RIMS2: variants seen among roughly 807,000 people sequenced by gnomAD.
RIMS2 encodes the protein regulating synaptic membrane exocytosis protein 2.
In RIMS2, 59 loss-of-function variants were observed where a neutral mutation model predicts 174.4. The observed-to-expected ratio is 0.34, with a 90% CI of 0.27 to 0.42. RIMS2 has a LOEUF of 0.42. Ranked by LOEUF, RIMS2 falls within the 10% of genes least tolerant of loss-of-function variation. The pLI is 1.00. For synonymous variants in RIMS2, 606 were observed against 572.5 expected (o/e 1.06, Z -0.84); for missense variants, 1,620 against 1,666.3 (o/e 0.97, Z 0.48).
chr8:103,856,816 T>C (rs1305644429), intron 3 of RIMS2, among the ~76,000 whole-genome samples: 1 of 152,140 alleles, frequency 6.6e-6, no homozygotes, highest in Non-Finnish European at 1.5e-5. Context: ...TTTTTGTTTT[T>C]TTTTCTTTGA....
At chr8:104,088,639 G>A (rs1054701009) in intron 19 of RIMS2, among the ~76,000 whole-genome samples, 2 of 151,904 alleles carry the variant, frequency 1.3e-5, no homozygotes, top group African/African-American at 4.8e-5. Flanking sequence ...ATTTATTGAA[G>A]ACAAGTGATA....
intron 4 of RIMS2, among the ~76,000 whole-genome samples, chr8:103,893,253 C>CTTTTGGGGT (rs2099257719): frequency 6.6e-6 from 1 of 151,938 alleles, no homozygotes; most frequent in Non-Finnish European, 1.5e-5. Flanking sequence ...CTTTGGGGTA[C>CTTTTGGGGT]AGGAGTAAAA....
chr8:104,168,758 G>A (rs973953319), intron 19 of RIMS2, among the ~76,000 whole-genome samples: 1 of 151,974 alleles, frequency 6.6e-6, no homozygotes, highest in South Asian at 2.1e-4. Context: ...ACTTTTCCAC[G>A]TTCAGTATGA....
At chr8:103,772,794 C>A (rs2098268804) in intron 3 of RIMS2, among the ~76,000 whole-genome samples, 1 of 151,988 alleles carries the variant, frequency 6.6e-6, no homozygotes, top group Non-Finnish European at 1.5e-5. Context: ...ATATATAAAG[C>A]CATTCATGTA....
At chr8:103,836,229 A>G (rs1204734702) in intron 3 of RIMS2, among the ~76,000 whole-genome samples, 5 of 152,192 alleles carry the variant, frequency 3.3e-5, no homozygotes, top group South Asian at 2.1e-4. Context: ...GAATTTTATG[A>G]TAATTATTTA....
chr8:103,893,291 A>G (rs1565162789), intron 4 of RIMS2, among the ~76,000 whole-genome samples: 1 of 152,066 alleles, frequency 6.6e-6, no homozygotes, highest in Admixed American at 6.6e-5. Flanking sequence ...AACTGCATAT[A>G]TGGTAGTTGC....
In RIMS2 at chr8:104,096,896, A is replaced by G. The variant is rs190829540; in HGVS notation, c.3334+82281A>G. ...CCACCAAAAAAAAAAAAAGAAAAAG[A>G]AAAAGAAAATGTTGGTAGCACTCAT... On this transcript the variant is annotated intron_variant, in intron 19 of 23. Transcript: ENST00000504942. 2.0e-4 allele frequency among the ~76,000 whole-genome samples: 30 copies of G among 152,006 alleles called. No homozygotes were observed. The East Asian group carries it at 4.6e-3, about 24-fold the overall frequency.
intron 3 of RIMS2, among the ~76,000 whole-genome samples, chr8:103,814,232 C>T (rs146651798): frequency 1.5e-3 from 232 of 152,116 alleles, no homozygotes; most frequent in African/African-American, 5.1e-3. Context: ...GAACAACAGA[C>T]ACTGTGGCCC....
intron 1 of RIMS2, among the ~76,000 whole-genome samples, chr8:103,687,959 C>T (rs2096963084): frequency 6.6e-6 from 1 of 151,958 alleles, no homozygotes; most frequent in African/African-American, 2.4e-5. Context: ...GTAAATAATG[C>T]TGCAATGAAC....
exon 21 of RIMS2, chr8:104,248,753 C>T: frequency 6.2e-7 from 1 of 1,613,672 alleles, no homozygotes; most frequent in African/African-American, 1.3e-5. Context: ...CAGTGATTTC[C>T]TGGATGGCCT....
chr8:103,799,638 G>A (rs1454737314), intron 3 of RIMS2, among the ~76,000 whole-genome samples: 1 of 152,092 alleles, frequency 6.6e-6, no homozygotes, highest in East Asian at 1.9e-4. Flanking sequence ...CATTTCATGT[G>A]TTTGCAGTCT....
intron 3 of RIMS2, among the ~76,000 whole-genome samples, chr8:103,833,873 A>T (rs546539853): frequency 6.6e-6 from 1 of 152,116 alleles, no homozygotes; most frequent in African/African-American, 2.4e-5. Context: ...TCTCTTGAGT[A>T]TGGATCTTGT....
At chr8:103,553,058 A>G (rs1400455205) in intron 1 of RIMS2, among the ~76,000 whole-genome samples, 1 of 152,148 alleles carries the variant, frequency 6.6e-6, no homozygotes, top group Non-Finnish European at 1.5e-5. Flanking sequence ...AGGATCTAGA[A>G]CTAGAGATAC....
intron 2 of RIMS2, among the ~76,000 whole-genome samples, chr8:103,701,713 A>T (rs890547528): frequency 6.6e-6 from 1 of 151,870 alleles, no homozygotes; most frequent in African/African-American, 2.4e-5. Context: ...GGCTTATTTT[A>T]CTTAACATAA....
At chr8:103,985,216 C>A (rs55662672) in intron 16 of RIMS2, among the ~76,000 whole-genome samples, 19,319 of 151,904 alleles carry the variant, frequency 0.13, 1,705 homozygotes, top group Non-Finnish European at 0.19. Context: ...TGGCTTACAC[C>A]TGTAATCCCA....
At chr8:104,058,270 G>A (rs1450799449) in intron 19 of RIMS2, among the ~76,000 whole-genome samples, 3 of 149,068 alleles carry the variant, frequency 2.0e-5, no homozygotes, top group Admixed American at 1.3e-4. Context: ...TCTAACTGGT[G>A]TGAGATGGTA....
chr8:104,135,764 A>G (rs2098514609), intron 19 of RIMS2, among the ~76,000 whole-genome samples: 1 of 152,148 alleles, frequency 6.6e-6, no homozygotes, highest in South Asian at 2.1e-4. Context: ...AGAGTGTTTG[A>G]AATGATGGGC....
intron 3 of RIMS2, among the ~76,000 whole-genome samples, chr8:103,792,084 A>G (rs2098504488): frequency 6.6e-6 from 1 of 152,206 alleles, no homozygotes; most frequent in Non-Finnish European, 1.5e-5. Flanking sequence ...ATAGACATCT[A>G]CAGAAGTCTC....
chr8:104,148,548 A>T lies in RIMS2; in HGVS notation c.3335-96368A>T, dbSNP rs1019665202. On this transcript the variant is annotated intron_variant, in intron 19 of 23. Transcript: ENST00000504942. The stretch of plus-strand genomic sequence containing the variant: ...ACTCCAAATGTTTTATCTAAAATGC[A>T]TTTTCTGTCTTTTCCTTTTTACTCT... 6.8e-6 allele frequency: 10 copies of T among 1,467,224 alleles called. No individual in the cohort carries two copies. In the African/African-American group the frequency reaches 1.4e-4, roughly 21 times the overall value. The allele number at this position is 1,467,224 out of a possible 1,614,324, so 90.9% of individuals were successfully genotyped here.
Sources: gnomAD v4.1 joint callset for allele counts (sites outside exome capture counted in the v4.1 genomes callset) on GRCh38, gnomAD v4.1.1 for gene constraint, MANE v1.5 for transcripts, NCBI Gene and HGNC (gene_info 2026-07-23, HGNC 2026-07-21) for gene names.